ACO2: variants seen among roughly 807,000 people sequenced by gnomAD.
The protein encoded by ACO2 is aconitate hydratase, mitochondrial.
A neutral mutation model predicts 84.5 loss-of-function variants in ACO2; 31 were observed. The ratio of observed to expected loss-of-function variants is 0.37; its 90% CI spans 0.28 to 0.50. ACO2 has a LOEUF of 0.50. ACO2 is among the 20% of genes least tolerant of loss of function. The pLI, the probability that ACO2 is intolerant of heterozygous loss-of-function variation, is 0.97. For missense variants in ACO2, 685 were observed against 1,029.3 expected, an observed-to-expected ratio of 0.67 and a Z score of 4.58; for synonymous variants, 414 against 412.7, an observed-to-expected ratio of 1.00 and a Z score of -0.04.
intron 1 of ACO2, among the ~76,000 whole-genome samples, chr22:41,483,353 T>C (rs964437094): frequency 7.9e-5 from 12 of 152,230 alleles, no homozygotes; most frequent in African/African-American, 2.9e-4. Context: ...CAGAACTCTG[T>C]AAAGTTATTT....
chr22:41,502,801 G>T (rs1051589157), intron 2 of ACO2, among the ~76,000 whole-genome samples: 5 of 152,120 alleles, frequency 3.3e-5, no homozygotes, highest in African/African-American at 1.2e-4. Context: ...TAAAGATGGG[G>T]GTTTCACCAT....
chr22:41,480,844 C>A (rs1028509894), intron 1 of ACO2, among the ~76,000 whole-genome samples: 1 of 152,152 alleles, frequency 6.6e-6, no homozygotes, highest in Non-Finnish European at 1.5e-5. Flanking sequence ...GAGATGGAGT[C>A]TTGCTCTGTC....
chr22:41,493,336 G>A (rs776604834), intron 1 of ACO2, among the ~76,000 whole-genome samples: 91 of 151,900 alleles, frequency 6.0e-4, no homozygotes, highest in South Asian at 6.2e-4. Context: ...CATATTTCTT[G>A]CCCATGTGTA....
intron 1 of ACO2, among the ~76,000 whole-genome samples, chr22:41,483,454 C>T (rs930971798): frequency 1.3e-5 from 2 of 151,830 alleles, no homozygotes; most frequent in Non-Finnish European, 2.9e-5. Flanking sequence ...GTCAGGAGTT[C>T]GAGACCAGCC....
intron 1 of ACO2, among the ~76,000 whole-genome samples, chr22:41,484,433 G>T (rs2038127121): frequency 6.6e-6 from 1 of 152,156 alleles, no homozygotes; most frequent in Non-Finnish European, 1.5e-5. Context: ...AATGATGATA[G>T]ATGTCCCTGG....
At position 41,523,354 on chromosome 22, in the gene ACO2, T is replaced by C. The variant is rs555720081; in HGVS notation, c.1370+76T>C. On this transcript the variant is annotated intron_variant, in intron 11 of 17. Coordinates refer to ENST00000216254, the MANE Select transcript of ACO2 (RefSeq NM_001098.3). ...GCCCCAGAAGTTGGAGGGGGAATTATTGGGGTGGAGAGAAGAGACTCCAGC... is the reference window on the plus strand; with the variant it reads ...GCCCCAGAAGTTGGAGGGGGAATTACTGGGGTGGAGAGAAGAGACTCCAGC... 1.6e-4 allele frequency: 197 copies of C among 1,222,410 alleles called. 1 individual carries two copies. The highest frequency in any genetic ancestry group is 2.7e-4 in the South Asian group (19 of 71,114). 75.7% of individuals were successfully genotyped at this position (1,222,410 alleles called of 1,614,324 possible).
chr22:41,485,412 C>T (rs1185268974), intron 1 of ACO2, among the ~76,000 whole-genome samples: 1 of 150,784 alleles, frequency 6.6e-6, no homozygotes, highest in Non-Finnish European at 1.5e-5. Flanking sequence ...GGGATTACAG[C>T]ATGCGCTACC....
At chr22:41,477,115 A>G (rs2146080170) in intron 1 of ACO2, among the ~76,000 whole-genome samples, 1 of 150,460 alleles carries the variant, frequency 6.6e-6, no homozygotes, top group East Asian at 2.0e-4. Context: ...AAAGGTAGGG[A>G]GAATGGTTTC....
chr22:41,502,500 C>T (rs1460635355), intron 2 of ACO2, among the ~76,000 whole-genome samples: 7 of 152,292 alleles, frequency 4.6e-5, no homozygotes, highest in Middle Eastern at 3.4e-3. Flanking sequence ...GCTCTCACAC[C>T]GCTGCTCAGT....
chr22:41,502,346 C>T (rs544923497), intron 2 of ACO2, among the ~76,000 whole-genome samples: 36 of 152,230 alleles, frequency 2.4e-4, no homozygotes, highest in Admixed American at 1.5e-3. Flanking sequence ...GAGTCAGAAC[C>T]GGCCATTTAA....
At chr22:41,527,134 C>T in intron 15 of ACO2, 154 bp from the exon 16 acceptor site, 1 of 1,143,888 alleles carries the variant, frequency 8.7e-7, no homozygotes, top group Non-Finnish European at 1.2e-6. Flanking sequence ...TTCACTTGCC[C>T]TTAGGCAGCA....
At chr22:41,476,602 C>T (rs1220093924) in intron 1 of ACO2, among the ~76,000 whole-genome samples, 3 of 149,778 alleles carry the variant, frequency 2.0e-5, no homozygotes, top group South Asian at 2.1e-4. Flanking sequence ...CCCAGCTACT[C>T]GGGAGGCTGA....
chr22:41,469,716 C>T (rs1424757023), intron 1 of ACO2, among the ~76,000 whole-genome samples: 1 of 152,144 alleles, frequency 6.6e-6, no homozygotes, highest in African/African-American at 2.4e-5. Flanking sequence ...GTCTTCTGGG[C>T]CCATACGTAG....
Position 41,489,805 on chromosome 22 carries a change from A to AT in ACO2, c.37-9911dup, listed in dbSNP as rs201197697. Among the ~76,000 whole-genome samples, 620 of 145,434 alleles carry AT rather than the reference A, an allele frequency of 4.3e-3. 5 individuals carry two copies. The highest frequency in any genetic ancestry group is 0.014 in the African/African-American group (548 of 39,486). Reference sequence around the variant, plus strand: ...TCAGATCCTGCTATTGTAAAGGTACATTTTTTTTTTCCTTTTCCTTCATAG... The same window carrying AT: ...TCAGATCCTGCTATTGTAAAGGTACATTTTTTTTTTTCCTTTTCCTTCATAG... On this transcript the variant is annotated intron_variant, in intron 1 of 17. Coordinates refer to ENST00000216254, the MANE Select transcript of ACO2 (RefSeq NM_001098.3).
chr22:41,520,199 C>A lies in ACO2; in HGVS notation c.1061C>A (p.Thr354Asn). 1 of 1,613,906 alleles carries A rather than the reference C, an allele frequency of 6.2e-7. No homozygotes were observed. Among genetic ancestry groups the A allele is most frequent in the Non-Finnish European group, 8.5e-7 (1 of 1,179,856 alleles). The change falls in exon 9 of 18, where the codon ACC becomes AAC. Residue 354 changes from threonine to asparagine, a missense_variant. By Grantham distance (65) the Thr-to-Asn change is moderately conservative. Transcript: ENST00000216254. Reference sequence around the variant, plus strand: ...AAGCCACACATCAATGGGCCCTTCACCCCTGACCTGGCTCACCCTGTGGCA... The same window carrying A: ...AAGCCACACATCAATGGGCCCTTCAACCCTGACCTGGCTCACCCTGTGGCA... ...ELKPHINGPF[T>N]PDLAHPVAEV...
At chr22:41,516,095 C>A in intron 6 of ACO2, 178 bp downstream of exon 6, 1 of 782,520 alleles carries the variant, frequency 1.3e-6, no homozygotes, top group Non-Finnish European at 2.1e-6. Flanking sequence ...GTCTAGTCCA[C>A]ATCCTCATTA....
chr22:41,498,642 C>G (rs2066332453), intron 1 of ACO2, among the ~76,000 whole-genome samples: 2 of 152,206 alleles, frequency 1.3e-5, no homozygotes, highest in Non-Finnish European at 2.9e-5. Flanking sequence ...GGGCCTCTCC[C>G]AGGATTGCTT....
chr22:41,523,203 A>G lies in ACO2; in HGVS notation c.1297-2A>G. On this transcript the variant is annotated splice_acceptor_variant, in intron 10 of 17. Coordinates refer to ENST00000216254, the MANE Select transcript of ACO2 (RefSeq NM_001098.3). LOFTEE classifies it high-confidence loss of function. ...CATTCTGTCTTCCTCTCTCCCTGGC[A>G]GGCACAGATCTTGAGGGATCTGGGT... is the stretch of plus-strand genomic sequence containing the variant. 1 of 1,611,222 alleles carries G rather than the reference A, an allele frequency of 6.2e-7. No homozygotes were observed. Among genetic ancestry groups the G allele is most frequent in the Non-Finnish European group, 8.5e-7 (1 of 1,178,336 alleles).
chr22:41,517,660 G>A (rs1216348497), intron 7 of ACO2, 29 bp downstream of exon 7: 5 of 1,580,352 alleles, frequency 3.2e-6, no homozygotes, highest in Non-Finnish European at 3.5e-6. Context: ...GCCCGTGTGG[G>A]TGGAACAGTC....
Sources: allele counts gnomAD v4.1 joint callset (sites outside exome capture counted in the v4.1 genomes callset), GRCh38; gene constraint gnomAD v4.1.1; transcripts MANE v1.5; gene names NCBI Gene and HGNC (gene_info 2026-07-23, HGNC 2026-07-21).